PTPRD: variants seen among roughly 807,000 people sequenced by gnomAD.
PTPRD encodes the protein protein tyrosine phosphatase receptor type D, also known as receptor-type tyrosine-protein phosphatase delta.
In PTPRD, 34 loss-of-function variants were observed where a neutral mutation model predicts 214.5. The observed-to-expected ratio is 0.16, with a 90% CI of 0.12 to 0.21. PTPRD has a LOEUF of 0.21. Among genes scored for constraint, PTPRD ranks in the 10% least tolerant of loss-of-function variants. The pLI is 1.00. For missense variants in PTPRD, 2,545 were observed against 2,398.7 expected, an observed-to-expected ratio of 1.06 and a Z score of -1.27; for synonymous variants, 1,128 against 845.7, an observed-to-expected ratio of 1.33 and a Z score of -5.79.
intron 3 of PTPRD, among the ~76,000 whole-genome samples, chr9:10,218,635 C>G (rs1263432308): frequency 1.3e-5 from 2 of 151,538 alleles, no homozygotes; most frequent in South Asian, 4.2e-4. Context: ...GAAAAGATAC[C>G]ATAATATGTA....
chr9:10,188,774 T>C (rs946880110), intron 3 of PTPRD, among the ~76,000 whole-genome samples: 3 of 152,170 alleles, frequency 2.0e-5, no homozygotes, highest in African/African-American at 7.2e-5. Flanking sequence ...GATTAATTTG[T>C]ATACTACAAT....
chr9:10,195,093 C>A (rs1012103540), intron 3 of PTPRD, among the ~76,000 whole-genome samples: 18 of 140,644 alleles, frequency 1.3e-4, no homozygotes, highest in Non-Finnish European at 9.3e-5. Context: ...TGACCATACC[C>A]GGCTATTTTT....
At chr9:10,565,606 C>T (rs563277677) in intron 2 of PTPRD, among the ~76,000 whole-genome samples, 1 of 152,036 alleles carries the variant, frequency 6.6e-6, no homozygotes, top group Non-Finnish European at 1.5e-5. Flanking sequence ...CACACACAAA[C>T]ACACCCCTTT....
intron 11 of PTPRD, among the ~76,000 whole-genome samples, chr9:8,914,245 AAAAT>A (rs1263929645): frequency 1.3e-5 from 2 of 152,148 alleles, no homozygotes; most frequent in African/African-American, 4.8e-5. Context: ...CTTTAATTTT[AAAAT>A]AAATAAGGAA....
At chr9:9,041,444 T>C (rs1157424882) in intron 10 of PTPRD, among the ~76,000 whole-genome samples, 1 of 152,132 alleles carries the variant, frequency 6.6e-6, no homozygotes, top group Non-Finnish European at 1.5e-5. Flanking sequence ...TAGCTCCTAC[T>C]TATAAGTAGG....
At chr9:9,566,435 T>C (rs1378475187) in intron 8 of PTPRD, among the ~76,000 whole-genome samples, 1 of 152,018 alleles carries the variant, frequency 6.6e-6, no homozygotes, top group Admixed American at 6.6e-5. Flanking sequence ...ATTATTTCTC[T>C]CTGTACGTGC....
At chr9:9,882,539 C>A (rs1459004710) in intron 5 of PTPRD, among the ~76,000 whole-genome samples, 2 of 151,946 alleles carry the variant, frequency 1.3e-5, no homozygotes, top group East Asian at 3.9e-4. Flanking sequence ...AATTTATATC[C>A]AACCTAAATT....
chr9:8,441,520 C>T (rs1388218227), intron 34 of PTPRD, among the ~76,000 whole-genome samples: 1 of 151,554 alleles, frequency 6.6e-6, no homozygotes, highest in Non-Finnish European at 1.5e-5. Context: ...TTTTGCAGAC[C>T]ACATACGGCT....
At chr9:10,283,679 G>T (rs1425496635) in intron 3 of PTPRD, among the ~76,000 whole-genome samples, 2 of 152,062 alleles carry the variant, frequency 1.3e-5, no homozygotes, top group East Asian at 3.9e-4. Context: ...CTGTCTCTTT[G>T]GTATCAAAAT....
At chr9:9,777,486 A>G (rs2821497) in intron 5 of PTPRD, among the ~76,000 whole-genome samples, 68,380 of 151,850 alleles carry the variant, frequency 0.45, 15,975 homozygotes, top group East Asian at 0.7. Context: ...CTTGAGCCCA[A>G]GAGTTTGAGA....
chr9:9,955,189 G>C (rs576126453), intron 4 of PTPRD, among the ~76,000 whole-genome samples: 1 of 152,118 alleles, frequency 6.6e-6, no homozygotes, highest in Non-Finnish European at 1.5e-5. Flanking sequence ...CTTATCTCCA[G>C]TATAACACTG....
At chr9:10,428,043 C>T (rs373893927) in intron 2 of PTPRD, among the ~76,000 whole-genome samples, 48 of 152,032 alleles carry the variant, frequency 3.2e-4, no homozygotes, top group African/African-American at 1.1e-3. Flanking sequence ...TGGACGGGCA[C>T]GGTGGCTCAC....
chr9:9,180,496 T>C (rs896380316), intron 10 of PTPRD, among the ~76,000 whole-genome samples: 1 of 150,732 alleles, frequency 6.6e-6, no homozygotes, highest in Non-Finnish European at 1.5e-5. Flanking sequence ...TACCTAATGC[T>C]AAATGATGAG....
At chr9:10,303,594 C>T (rs2154409196) in intron 3 of PTPRD, among the ~76,000 whole-genome samples, 1 of 152,158 alleles carries the variant, frequency 6.6e-6, no homozygotes, top group African/African-American at 2.4e-5. Flanking sequence ...ACCACTGATC[C>T]TACAGTAATA....
intron 14 of PTPRD, among the ~76,000 whole-genome samples, chr9:8,577,366 C>A (rs1044444967): frequency 6.6e-6 from 1 of 152,170 alleles, no homozygotes; most frequent in African/African-American, 2.4e-5. Flanking sequence ...AGCAATTCTC[C>A]TGCCTCAGCC....
intron 7 of PTPRD, among the ~76,000 whole-genome samples, chr9:9,633,528 AG>A (rs1201625657): frequency 1.2e-4 from 6 of 50,446 alleles, no homozygotes; most frequent in Non-Finnish European, 2.7e-4. Context: ...AGTGATTATA[AG>A]CAGATATTAT....
rs143596277 is a variant in PTPRD at position 9,082,805 on chromosome 9, C to T, written c.-142-64070G>A. Among the ~76,000 whole-genome samples the T allele has an allele frequency of 3.0e-3, 454 of 152,048 alleles. 5 individuals carry two copies. The highest frequency in any genetic ancestry group is 0.011 in the African/African-American group (436 of 41,470). ...ATGAGTGAACTCCCATTCATAATTGCTACAAAAAGAATAAAATACCTAGGA... is the reference window on the plus strand; with the variant it reads ...ATGAGTGAACTCCCATTCATAATTGTTACAAAAAGAATAAAATACCTAGGA... On this transcript the variant is annotated intron_variant, in intron 10 of 45. Transcript: ENST00000381196.
At chr9:8,319,760 T>TGGA in intron 45 of PTPRD, 71 bp downstream of exon 45, 1 of 1,572,724 alleles carries the variant, frequency 6.4e-7, no homozygotes, top group Non-Finnish European at 8.7e-7. Context: ...TGAGAGAGTA[T>TGGA]GGAGTCCGGG....
intron 10 of PTPRD, among the ~76,000 whole-genome samples, chr9:9,099,881 C>T (rs566886490): frequency 6.6e-6 from 1 of 152,206 alleles, no homozygotes; most frequent in South Asian, 2.1e-4. Context: ...GAGAGCTACA[C>T]TGAAGGGTGA....
Sources: gnomAD v4.1 joint callset for allele counts (sites outside exome capture counted in the v4.1 genomes callset) on GRCh38, gnomAD v4.1.1 for gene constraint, MANE v1.5 for transcripts, NCBI Gene and HGNC (gene_info 2026-07-23, HGNC 2026-07-21) for gene names.